The following MINAR1 variants were observed in gnomAD, a reference collection of about 807,000 sequenced individuals.
MINAR1 encodes major intrinsically disordered Notch2-binding receptor 1.
A neutral mutation model predicts 65.1 loss-of-function variants in MINAR1; 40 were observed. The ratio of observed to expected loss-of-function variants is 0.61; its 90% CI spans 0.48 to 0.80. The LOEUF is 0.80. Among genes scored for constraint, MINAR1 ranks in the 30% least tolerant of loss-of-function variants. The pLI is 0.00. For synonymous variants in MINAR1, 482 were observed against 449.1 expected, an observed-to-expected ratio of 1.07 and a Z score of -0.93; for missense variants, 1,128 against 1,148.0, an observed-to-expected ratio of 0.98 and a Z score of 0.25.
Position 79,457,035 on chromosome 15 carries a change from G to A in MINAR1, c.888G>A (p.Lys296=), listed in dbSNP as rs564692709. ...CCCAGAGTCGAAAGGAACCCCACAA[G>A]CCACCCTTCTTCAACCACAGCTTTG... ...REPQSRKEPH[K]PPFFNHSFEM... is the part of the protein sequence containing the mutation. The change falls in exon 2 of 4, where the codon AAG becomes AAA. Residue 296 remains lysine, a synonymous_variant. Coordinates refer to ENST00000305428, the MANE Select transcript of MINAR1 (RefSeq NM_015206.3). 7 of 1,613,952 alleles carry A rather than the reference G, an allele frequency of 4.3e-6. No individual in the cohort carries two copies. The highest frequency in any genetic ancestry group is 1.1e-5 in the South Asian group (1 of 91,044).
rs573895201 is a variant in MINAR1, at chr15:79,468,753, A to C, written c.*369A>C. On this transcript the variant is annotated 3_prime_UTR_variant, in exon 4 of 4. Coordinates refer to ENST00000305428, the MANE Select transcript of MINAR1 (RefSeq NM_015206.3). ...GGAATAAGTTATACAGAAGATATTT[A>C]ATACACGCCTCTTTAGAAGAAACTA... 1.1e-3 allele frequency: 260 copies of C among 237,488 alleles called. No individual in the cohort carries two copies. The highest frequency in any genetic ancestry group is 5.8e-3 in the African/African-American group (254 of 44,106). 14.7% of individuals were successfully genotyped at this position (237,488 alleles called of 1,614,324 possible).
chr15:79,452,728 CTGTG>C lies in MINAR1; in HGVS notation c.-50-3367_-50-3364del, dbSNP rs1366313424. On this transcript the variant is annotated intron_variant, in intron 1 of 3. Coordinates refer to ENST00000305428, the MANE Select transcript of MINAR1 (RefSeq NM_015206.3). ...GATGAGTGTGTGGGTGTGGGTGAGT[CTGTG>C]TGGGTGTGTGGGGGGGGTGTGTGGG... is the stretch of plus-strand genomic sequence containing the variant. 7.0e-3 allele frequency among the ~76,000 whole-genome samples: 723 copies of C among 102,916 alleles called. 10 individuals are homozygous for C. Among genetic ancestry groups the C allele is most frequent in the African/African-American group, 0.022 (675 of 30,140 alleles). The allele number at this position is 102,916 out of a possible 152,430, so 67.5% of individuals were successfully genotyped here. A position where few individuals can be genotyped will look rare whatever the true frequency, so the allele number is the denominator to read the frequency against.
At chr15:79,454,001 G>T (rs1895328043) in intron 1 of MINAR1, among the ~76,000 whole-genome samples, 1 of 152,164 alleles carries the variant, frequency 6.6e-6, no homozygotes, top group African/African-American at 2.4e-5. Context: ...TGTAGTTGCT[G>T]TTCCCAAAAT....
chr15:79,441,570 G>T (rs1163163456), intron 1 of MINAR1, among the ~76,000 whole-genome samples: 1 of 152,036 alleles, frequency 6.6e-6, no homozygotes, highest in Non-Finnish European at 1.5e-5. Flanking sequence ...ATTTTCTTCA[G>T]ATAAATACTT....
intron 1 of MINAR1, among the ~76,000 whole-genome samples, chr15:79,437,200 C>T (rs1159517821): frequency 6.6e-6 from 1 of 152,144 alleles, no homozygotes; most frequent in African/African-American, 2.4e-5. Context: ...GGTAAGGAGG[C>T]AAAATTTGGG....
In MINAR1 at chr15:79,456,373, C is replaced by A. The variant is rs1022576769; in HGVS notation, c.226C>A (p.Gln76Lys). ...KDKMKCTVNN[Q>K]QSKKIMVAAD... ...CAAGATGAAATGCACTGTGAATAAC[C>A]AGCAATCAAAGAAAATCATGGTGGC... Residue 76 changes from glutamine (Q) to lysine (K), a missense_variant, in exon 2 of 4, where the codon CAG (glutamine) becomes AAG (lysine). Coordinates refer to ENST00000305428, the MANE Select transcript of MINAR1 (RefSeq NM_015206.3). 1 of 1,614,202 alleles carries A rather than the reference C, an allele frequency of 6.2e-7. No homozygotes were observed. The highest frequency in any genetic ancestry group is 2.2e-5 in the East Asian group (1 of 44,892).
chr15:79,411,890 G>A, the MINAR1 span: 2 of 188,392 alleles, frequency 1.1e-5, no homozygotes, highest in Admixed American at 1.1e-4. Context: ...AACCCTAGGG[G>A]GACTGTTGAA....
chr15:79,413,918 T>C, the MINAR1 span: 1 of 152,230 alleles, frequency 6.6e-6, no homozygotes, highest in Non-Finnish European at 1.5e-5. Context: ...ATTAATTGTT[T>C]ATGGCTGTCT....
At chr15:79,431,511 G>T (rs1027317374), upstream of MINAR1, among the ~76,000 whole-genome samples, 2 of 141,186 alleles carry the variant, frequency 1.4e-5, no homozygotes, top group African/African-American at 5.9e-5. Context: ...ATGTGTGTGT[G>T]TGTGGGGGGG....
chr15:79,445,538 T>C (rs1894988120), intron 1 of MINAR1, among the ~76,000 whole-genome samples: 1 of 141,912 alleles, frequency 7.0e-6, no homozygotes, highest in African/African-American at 2.6e-5. Context: ...TTTAAATCTT[T>C]CTGTGACAGT....
chr15:79,440,312 C>T (rs1894835090), intron 1 of MINAR1, among the ~76,000 whole-genome samples: 1 of 152,186 alleles, frequency 6.6e-6, no homozygotes, highest in Non-Finnish European at 1.5e-5. Context: ...CACCTGGTAG[C>T]CTTCTCTCCA....
chr15:79,466,972 T>C (rs1215838481), intron 3 of MINAR1, among the ~76,000 whole-genome samples: 1 of 152,202 alleles, frequency 6.6e-6, no homozygotes, highest in Non-Finnish European at 1.5e-5. Flanking sequence ...CCTCAATCTC[T>C]CTTTCTTCTT....
chr15:79,455,469 A>G (rs1895381147), intron 1 of MINAR1, among the ~76,000 whole-genome samples: 1 of 152,204 alleles, frequency 6.6e-6, no homozygotes, highest in Non-Finnish European at 1.5e-5. Context: ...ACAAATGCCT[A>G]CAGTCATGTA....
chr15:79,456,197 A>C lies in MINAR1; in HGVS notation c.50A>C (p.Glu17Ala). 6.2e-7 allele frequency: 1 copy of C among 1,613,484 alleles called. No individual in the cohort carries two copies. Among genetic ancestry groups the C allele is most frequent in the Non-Finnish European group, 8.5e-7 (1 of 1,179,816 alleles). ...TSLFLVKILEELDSKQNTVSY... is the reference protein window; with the variant it reads ...TSLFLVKILEALDSKQNTVSY... ...CTCTTCTTGGTGAAGATCTTGGAGG[A>C]ACTGGACAGCAAGCAAAATACCGTT... The change falls in exon 2 of 4, where the codon GAA (glutamate) becomes GCA (alanine). Residue 17 changes from glutamate to alanine, a missense_variant. Transcript: ENST00000305428.
At chr15:79,452,741 T>TGTGTG (rs1470753128) in intron 1 of MINAR1, among the ~76,000 whole-genome samples, 107 of 89,874 alleles carry the variant, frequency 1.2e-3, no homozygotes, top group African/African-American at 4.0e-3. Flanking sequence ...TGTGGGTGTG[T>TGTGTG]GGGGGGGGTG....
intron 1 of MINAR1, among the ~76,000 whole-genome samples, chr15:79,455,453 G>A (rs955100430): frequency 1.3e-5 from 2 of 152,128 alleles, no homozygotes; most frequent in African/African-American, 4.8e-5. Flanking sequence ...AGTCCTGTGA[G>A]TTTTGACAAA....
chr15:79,453,592 T>G (rs186581560), intron 1 of MINAR1, among the ~76,000 whole-genome samples: 1 of 152,318 alleles, frequency 6.6e-6, no homozygotes, highest in East Asian at 1.9e-4. Flanking sequence ...CTTGCTCTTC[T>G]TCCTCTCTGG....
At chr15:79,448,770 G>A (rs1159213936) in intron 1 of MINAR1, among the ~76,000 whole-genome samples, 1 of 152,214 alleles carries the variant, frequency 6.6e-6, no homozygotes, top group African/African-American at 2.4e-5. Flanking sequence ...GTTGGTAGCA[G>A]AAGGGAAGAT....
chr15:79,422,341 G>C, the MINAR1 span: 1 of 152,082 alleles, frequency 6.6e-6, no homozygotes, highest in Non-Finnish European at 1.5e-5. Context: ...CACCTGAGTT[G>C]GGAGTTCGAG....
Sources: gnomAD v4.1 joint callset for allele counts (sites outside exome capture counted in the v4.1 genomes callset) on GRCh38, gnomAD v4.1.1 for gene constraint, MANE v1.5 for transcripts, NCBI Gene and HGNC (gene_info 2026-07-23, HGNC 2026-07-21) for gene names.